Variants in LAMA2 observed in about 807,000 individuals in gnomAD.
LAMA2 encodes the protein laminin subunit alpha-2.
A neutral mutation model predicts 364.8 loss-of-function variants in LAMA2; 269 were observed. The ratio of observed to expected loss-of-function variants is 0.74; its 90% CI spans 0.67 to 0.82. The LOEUF (loss-of-function observed/expected upper bound fraction) is 0.82. Among genes scored for constraint, LAMA2 ranks in the 40% least tolerant of loss-of-function variants. LAMA2 has a pLI of 0.00. For missense variants in LAMA2, 3,807 were observed against 3,873.2 expected (o/e 0.98, Z 0.45); for synonymous variants, 1,379 against 1,370.6 (o/e 1.01, Z -0.14).
chr6:129,176,380 T>G (rs1444556664), intron 9 of LAMA2, among the ~76,000 whole-genome samples: 1 of 151,936 alleles, frequency 6.6e-6, no homozygotes, highest in African/African-American at 2.4e-5. Context: ...AATTGAGTAT[T>G]TTTTATAGTC....
chr6:129,414,410 A>G (rs894001288), intron 40 of LAMA2, among the ~76,000 whole-genome samples: 2 of 152,168 alleles, frequency 1.3e-5, no homozygotes, highest in African/African-American at 4.8e-5. Flanking sequence ...TAGAGAAGCT[A>G]CAAATGAAAT....
intron 12 of LAMA2, among the ~76,000 whole-genome samples, chr6:129,242,378 T>A (rs1005045384): frequency 6.6e-6 from 1 of 152,182 alleles, no homozygotes; most frequent in Non-Finnish European, 1.5e-5. Context: ...TCATTTGTTA[T>A]CTATTTGACA....
At chr6:129,150,869 C>T (rs1237334737) in intron 7 of LAMA2, among the ~76,000 whole-genome samples, 1 of 152,092 alleles carries the variant, frequency 6.6e-6, no homozygotes, top group Non-Finnish European at 1.5e-5. Context: ...TTAGAAAAAT[C>T]CTTCCATGAC....
At chr6:129,438,820 G>A (rs1781961475) in intron 42 of LAMA2, 58 bp downstream of exon 42, 2 of 889,158 alleles carry the variant, frequency 2.2e-6, no homozygotes, top group Middle Eastern at 2.2e-4. Flanking sequence ...GAAGACTGTT[G>A]TTAACTTTTA....
intron 1 of LAMA2, among the ~76,000 whole-genome samples, chr6:128,951,377 A>C (rs921689590): frequency 6.6e-6 from 1 of 152,212 alleles, no homozygotes; most frequent in Non-Finnish European, 1.5e-5. Context: ...AAAGGAAGAT[A>C]TAAGGAGAGA....
intron 36 of LAMA2, among the ~76,000 whole-genome samples, chr6:129,392,310 A>T (rs1446961461): frequency 2.0e-5 from 3 of 152,212 alleles, no homozygotes; most frequent in African/African-American, 7.2e-5. Context: ...TAAATAATTT[A>T]TACTAAACCA....
intron 1 of LAMA2, among the ~76,000 whole-genome samples, chr6:129,022,194 T>C (rs1785489235): frequency 6.6e-6 from 1 of 152,212 alleles, no homozygotes; most frequent in Non-Finnish European, 1.5e-5. Flanking sequence ...TTTTAGCATA[T>C]AAATAAAATT....
chr6:128,936,512 C>G (rs1407445269), intron 1 of LAMA2, among the ~76,000 whole-genome samples: 1 of 152,110 alleles, frequency 6.6e-6, no homozygotes, highest in Non-Finnish European at 1.5e-5. Flanking sequence ...CCAGGACCCC[C>G]AGAGTATGTC....
At position 129,008,542 on chromosome 6, in the gene LAMA2, C is replaced by T. The variant is rs1206820193; in HGVS notation, c.113-41376C>T. Among the ~76,000 whole-genome samples the T allele has an allele frequency of 2.6e-5, 4 of 151,934 alleles. No homozygotes were observed. The East Asian group carries it at 5.8e-4, about 22-fold the overall frequency. ...TAAGTGATTTGCTGGTTTTTGATCC[C>T]GGGTCTACATGAATACAAAGCTACA... On this transcript the variant is annotated intron_variant, in intron 1 of 64. Coordinates refer to ENST00000421865, the MANE Select transcript of LAMA2 (RefSeq NM_000426.4).
At chr6:128,952,476 A>G (rs917285978) in intron 1 of LAMA2, among the ~76,000 whole-genome samples, 21 of 152,158 alleles carry the variant, frequency 1.4e-4, no homozygotes, top group African/African-American at 4.8e-4. Flanking sequence ...GCCCTCAAGG[A>G]TCTAGTTTGT....
intron 58 of LAMA2, among the ~76,000 whole-genome samples, chr6:129,498,217 A>G (rs1054687346): frequency 2.0e-5 from 3 of 152,192 alleles, no homozygotes; most frequent in Non-Finnish European, 4.4e-5. Context: ...AAAACAATAC[A>G]AGTAGCCATG....
At chr6:128,903,778 C>T (rs1295376415) in intron 1 of LAMA2, among the ~76,000 whole-genome samples, 3 of 152,050 alleles carry the variant, frequency 2.0e-5, no homozygotes, top group Non-Finnish European at 4.4e-5. Flanking sequence ...AGGATCTTTC[C>T]TGGATTGTAT....
intron 4 of LAMA2, among the ~76,000 whole-genome samples, chr6:129,115,391 A>T (rs1465763358): frequency 6.6e-6 from 1 of 152,052 alleles, no homozygotes; most frequent in East Asian, 1.9e-4. Context: ...ATTTTGTAGC[A>T]TCTGGATAAT....
chr6:129,326,763 A>C (rs1775326490), intron 28 of LAMA2, among the ~76,000 whole-genome samples: 1 of 144,994 alleles, frequency 6.9e-6, no homozygotes, highest in African/African-American at 2.5e-5. Context: ...ATTTATATAT[A>C]TAATATATAA....
chr6:128,955,879 G>T (rs113670652), intron 1 of LAMA2, among the ~76,000 whole-genome samples: 67 of 151,922 alleles, frequency 4.4e-4, no homozygotes, highest in African/African-American at 1.5e-3. Flanking sequence ...TAAAGATGGG[G>T]TGTAGGTAGG....
chr6:129,111,913 A>G (rs1776183994), intron 4 of LAMA2, among the ~76,000 whole-genome samples: 1 of 152,004 alleles, frequency 6.6e-6, no homozygotes, highest in Non-Finnish European at 1.5e-5. Flanking sequence ...GGTGGTATAC[A>G]GGTTACCAGT....
chr6:129,228,132 G>T (rs1230520653), intron 12 of LAMA2, among the ~76,000 whole-genome samples: 1 of 152,190 alleles, frequency 6.6e-6, no homozygotes, highest in Non-Finnish European at 1.5e-5. Flanking sequence ...TCCGAGCCAG[G>T]TGTGGGATAT....
At chr6:129,490,792 A>G (rs1353949178) in intron 56 of LAMA2, 3 of 152,194 alleles carry the variant, frequency 2.0e-5, no homozygotes, top group Non-Finnish European at 4.4e-5. Flanking sequence ...AAGAAACCTC[A>G]AAAGTATGTC....
chr6:128,942,551 T>C (rs1780221874), intron 1 of LAMA2, among the ~76,000 whole-genome samples: 1 of 152,200 alleles, frequency 6.6e-6, no homozygotes, highest in African/African-American at 2.4e-5. Context: ...AGTATTTGTA[T>C]GTGGGTCTGA....
Sources: allele counts gnomAD v4.1 joint callset (sites outside exome capture counted in the v4.1 genomes callset), GRCh38; gene constraint gnomAD v4.1.1; transcripts MANE v1.5; gene names NCBI Gene and HGNC (gene_info 2026-07-23, HGNC 2026-07-21).